The following CCNH variants were observed in gnomAD, a reference collection of about 807,000 sequenced individuals.
CCNH encodes the protein cyclin-H.
CCNH carries 31 observed loss-of-function variants against 41.9 expected under a neutral mutation model. The ratio of observed to expected loss-of-function variants is 0.74; its 90% CI spans 0.56 to 1.00. CCNH has a LOEUF of 1.00. Among genes scored for constraint, CCNH ranks in the 50% least tolerant of loss-of-function variants. The pLI, the probability that CCNH is intolerant of heterozygous loss-of-function variation, is 0.00. For synonymous variants in CCNH, 138 were observed against 136.1 expected (o/e 1.01, Z -0.10); for missense variants, 362 against 388.4 (o/e 0.93, Z 0.57).
intron 6 of CCNH, 49 bp downstream of exon 6, chr5:87,401,653 G>A: frequency 9.1e-7 from 1 of 1,104,940 alleles, no homozygotes; most frequent in Non-Finnish European, 1.3e-6. Flanking sequence ...ATTTAGAAAG[G>A]AGCTTTGTAT....
In CCNH at chr5:87,399,409, G is replaced by A; in HGVS notation, c.857C>T (p.Ala286Val). ...ATTAACTTACGTGATTACGTTAAGTGCAAGCTCAGCAGAATGACATCGCTC... is the reference window on the plus strand; with the variant it reads ...ATTAACTTACGTGATTACGTTAAGTACAAGCTCAGCAGAATGACATCGCTC... Reference protein sequence around the residue: ...KLERCHSAELALNVITKKRKG... With the variant: ...KLERCHSAELVLNVITKKRKG... Residue 286 changes from alanine to valine, a missense_variant, in exon 7 of 9, where the codon GCA (alanine) becomes GTA (valine). Ala to Val is a moderately conservative substitution (Grantham distance 64). Transcript: ENST00000256897. 6.2e-7 allele frequency: 1 copy of A among 1,612,112 alleles called. No individual in the cohort carries two copies. The highest frequency in any genetic ancestry group is 8.5e-7 in the Non-Finnish European group (1 of 1,178,274).
At chr5:87,343,554 A>G (rs1160370955) in intron 9 of CCNH, among the ~76,000 whole-genome samples, 1 of 152,226 alleles carries the variant, frequency 6.6e-6, no homozygotes, top group Admixed American at 6.5e-5. Flanking sequence ...GCTTTTATCC[A>G]AAAGATAGGC....
chr5:87,405,245 C>T (rs769174312), intron 4 of CCNH, among the ~76,000 whole-genome samples: 1 of 152,134 alleles, frequency 6.6e-6, no homozygotes, highest in Non-Finnish European at 1.5e-5. Context: ...TAAAGTAGGG[C>T]CAAGAAATAC....
intron 9 of CCNH, among the ~76,000 whole-genome samples, chr5:87,355,886 G>A (rs1759612657): frequency 6.6e-6 from 1 of 152,178 alleles, no homozygotes; most frequent in Admixed American, 6.5e-5. Context: ...CTTTGAGGAG[G>A]AGGTAGCTGC....
downstream of CCNH, among the ~76,000 whole-genome samples, chr5:87,375,506 C>T (rs1006372734): frequency 3.9e-5 from 6 of 152,140 alleles, no homozygotes; most frequent in African/African-American, 1.2e-4. Flanking sequence ...GGTGATCTGC[C>T]GGCCTCGGCC....
At chr5:87,350,650 T>G (rs1313142741) in intron 9 of CCNH, among the ~76,000 whole-genome samples, 1 of 151,290 alleles carries the variant, frequency 6.6e-6, no homozygotes, top group Admixed American at 6.6e-5. Flanking sequence ...TGATGGAACA[T>G]GAAAAAAGAA....
downstream of CCNH, chr5:87,375,019 C>G: frequency 7.2e-7 from 1 of 1,385,138 alleles, no homozygotes; most frequent in Non-Finnish European, 9.6e-7. Flanking sequence ...AACAGAAATG[C>G]AAGTAGTATA....
chr5:87,392,953 GA>G (rs1453892175), downstream of CCNH: 1 of 152,010 alleles, frequency 6.6e-6, no homozygotes, highest in Non-Finnish European at 1.5e-5. Context: ...ATTCTGTCTA[GA>G]GCCTAGCAGC....
downstream of CCNH, among the ~76,000 whole-genome samples, chr5:87,314,596 T>A (rs534320528): frequency 3.3e-5 from 5 of 152,254 alleles, no homozygotes; most frequent in South Asian, 1.0e-3. Context: ...TGTATTTAAT[T>A]TTTTGGTCTT....
intron 9 of CCNH, among the ~76,000 whole-genome samples, chr5:87,354,506 T>C (rs1472487173): frequency 6.6e-6 from 1 of 152,116 alleles, no homozygotes; most frequent in African/African-American, 2.4e-5. Flanking sequence ...AATCGATAAA[T>C]GTAGTGTATG....
At chr5:87,364,212 T>C (rs1039786485) in intron 9 of CCNH, among the ~76,000 whole-genome samples, 1 of 152,172 alleles carries the variant, frequency 6.6e-6, no homozygotes, top group African/African-American at 2.4e-5. Context: ...TGCCGCAGGA[T>C]GGCATTTCTG....
At chr5:87,383,319 T>C (rs1761855054) in intron 9 of CCNH, among the ~76,000 whole-genome samples, 1 of 152,114 alleles carries the variant, frequency 6.6e-6, no homozygotes, top group Non-Finnish European at 1.5e-5. Context: ...ATATAAAAAG[T>C]TTATTTCTAC....
intron 9 of CCNH, among the ~76,000 whole-genome samples, chr5:87,338,536 A>ATTTTTTTTTT (rs1232583853): frequency 2.5e-4 from 21 of 85,220 alleles, no homozygotes; most frequent in African/African-American, 9.3e-4. Flanking sequence ...TATATATAAA[A>ATTTTTTTTTT]TTTTTTTTTT....
chr5:87,407,322 G>T (rs1343277354), intron 4 of CCNH, among the ~76,000 whole-genome samples: 3 of 152,080 alleles, frequency 2.0e-5, no homozygotes, highest in Non-Finnish European at 4.4e-5. Flanking sequence ...GACTGTTCCT[G>T]TCCTATTTCT....
At chr5:87,320,775 C>T (rs1012898339) in intron 9 of CCNH, among the ~76,000 whole-genome samples, 3 of 152,154 alleles carry the variant, frequency 2.0e-5, no homozygotes, top group African/African-American at 7.2e-5. Flanking sequence ...TTAAAAATGG[C>T]TTTATGCAAG....
rs111322540 is a variant in CCNH at position 87,367,482 on chromosome 5, G to A, written c.*90+25288C>T. 7.9e-5 allele frequency among the ~76,000 whole-genome samples: 12 copies of A among 152,294 alleles called. 3 individuals carry two copies. Among genetic ancestry groups the A allele is most frequent in the African/African-American group, 2.9e-4 (12 of 41,556 alleles). ...GCGCATGCTCAGCCTGATGCTGAAC[G>A]AATGTTGGATGGCAATGCTGTTTTC... On this transcript the variant is annotated intron_variant and NMD_transcript_variant, in intron 9 of 9. Transcript: ENST00000645953.
At chr5:87,386,941 C>G (rs1281768092), downstream of CCNH, 2 of 1,515,338 alleles carry the variant, frequency 1.3e-6, no homozygotes, top group African/African-American at 2.7e-5. Flanking sequence ...TTTAAGACTT[C>G]TAGTTGATAT....
At chr5:87,358,904 C>G (rs2112446487) in intron 9 of CCNH, among the ~76,000 whole-genome samples, 1 of 152,232 alleles carries the variant, frequency 6.6e-6, no homozygotes, top group East Asian at 1.9e-4. Flanking sequence ...TAGCCTCACT[C>G]TTACATCTTT....
intron 9 of CCNH, chr5:87,353,150 T>G: frequency 6.2e-7 from 1 of 1,602,510 alleles, no homozygotes; most frequent in Non-Finnish European, 8.5e-7. Flanking sequence ...AATTTTTATT[T>G]TAACAGCATT....
Sources: gnomAD v4.1 joint callset for allele counts (sites outside exome capture counted in the v4.1 genomes callset) on GRCh38, gnomAD v4.1.1 for gene constraint, MANE v1.5 for transcripts, NCBI Gene and HGNC (gene_info 2026-07-23, HGNC 2026-07-21) for gene names.